Variants in KAZN observed in about 807,000 individuals in gnomAD.
KAZN encodes the protein kazrin, periplakin interacting protein.
Under a neutral mutation model 87.4 loss-of-function variants are expected in KAZN, and 40 were observed. That is an observed-to-expected ratio of 0.46 (90% CI 0.36 to 0.60). The LOEUF is 0.60. Ranked by LOEUF, KAZN falls within the 20% of genes least tolerant of loss-of-function variation. The pLI is 0.00. For missense variants in KAZN, 898 were observed against 1,073.9 expected (o/e 0.84, Z 2.29); for synonymous variants, 466 against 458.3 (o/e 1.02, Z -0.22).
chr1:15,034,744 C>T lies in KAZN; in HGVS notation c.419-5C>T. 1 of 1,614,102 alleles carries T rather than the reference C, an allele frequency of 6.2e-7. No homozygotes were observed. ...TTGGGAACTAACTCTCTCCTTTATC[C>T]CCAGCCATGAAAGCTGATCGGAAGC... On this transcript the variant is annotated splice_polypyrimidine_tract_variant and splice_region_variant and intron_variant, in intron 2 of 14. Coordinates refer to ENST00000376030, the MANE Select transcript of KAZN (RefSeq NM_201628.3).
intron 1 of KAZN, among the ~76,000 whole-genome samples, chr1:14,932,467 G>A (rs1022877242): frequency 6.6e-6 from 1 of 152,192 alleles, no homozygotes; most frequent in South Asian, 2.1e-4. Context: ...CCTGCGTGGG[G>A]CCCTCCCCTG....
chr1:14,454,583 A>G (rs555098458), intron 2 of KAZN, among the ~76,000 whole-genome samples: 182 of 152,312 alleles, frequency 1.2e-3, no homozygotes, highest in Non-Finnish European at 2.3e-3. Context: ...GTCCTATCCC[A>G]TGGGCATTGC....
intron 2 of KAZN, among the ~76,000 whole-genome samples, chr1:14,551,737 C>T (rs1407056223): frequency 6.6e-6 from 1 of 152,154 alleles, no homozygotes; most frequent in Non-Finnish European, 1.5e-5. Context: ...TCCCCATGCT[C>T]AAACCCCAGC....
At chr1:14,103,903 A>T (rs1390943497) in intron 1 of KAZN, among the ~76,000 whole-genome samples, 1 of 152,188 alleles carries the variant, frequency 6.6e-6, no homozygotes, top group Non-Finnish European at 1.5e-5. Context: ...AAACCTAGAG[A>T]TCAACACAGA....
chr1:14,808,687 T>G (rs944998565), intron 1 of KAZN, among the ~76,000 whole-genome samples: 1 of 152,146 alleles, frequency 6.6e-6, no homozygotes, highest in African/African-American at 2.4e-5. Flanking sequence ...TGAGATGTAT[T>G]ATTACAAAAA....
intron 1 of KAZN, among the ~76,000 whole-genome samples, chr1:14,027,840 G>A (rs1191949066): frequency 6.6e-6 from 1 of 152,174 alleles, no homozygotes; most frequent in Non-Finnish European, 1.5e-5. Flanking sequence ...GGCTGGTGAT[G>A]ATGCCACCTA....
chr1:14,629,668 T>C (rs1275827316), intron 1 of KAZN, among the ~76,000 whole-genome samples: 1 of 152,282 alleles, frequency 6.6e-6, no homozygotes, highest in East Asian at 1.9e-4. Context: ...AGGAGCTCAC[T>C]CTGTCTAATC....
At chr1:14,198,249 A>C (rs935757431) in intron 2 of KAZN, among the ~76,000 whole-genome samples, 1 of 152,196 alleles carries the variant, frequency 6.6e-6, no homozygotes, top group African/African-American at 2.4e-5. Flanking sequence ...GATGGTGATA[A>C]AAATCTGACT....
intron 1 of KAZN, among the ~76,000 whole-genome samples, chr1:14,050,920 T>C (rs562114918): frequency 1.3e-5 from 2 of 152,334 alleles, no homozygotes; most frequent in Admixed American, 1.3e-4. Context: ...CAAACAAGCA[T>C]CATTTGGTTG....
At chr1:14,063,997 A>T (rs534632712) in intron 1 of KAZN, among the ~76,000 whole-genome samples, 6 of 150,380 alleles carry the variant, frequency 4.0e-5, no homozygotes, top group African/African-American at 1.5e-4. Flanking sequence ...GCTCACTGCA[A>T]CCTCCACCTC....
intron 4 of KAZN, among the ~76,000 whole-genome samples, chr1:15,053,941 C>T (rs1035615808): frequency 3.9e-5 from 6 of 152,168 alleles, no homozygotes; most frequent in Non-Finnish European, 7.3e-5. Flanking sequence ...CTAGGATGTC[C>T]GAGCTGGAAG....
At position 14,085,148 on chromosome 1, in the gene KAZN, A is replaced by G. The variant is rs140055282; in HGVS notation, c.92-95287A>G. On this transcript the variant is annotated intron_variant, in intron 1 of 16. Coordinates refer to the KAZN transcript ENST00000636203. ...CCCTGGAGTTTGCTGTCATCTTAGAACAAATCCATTTATCTCTGAGAACCA... is the reference window on the plus strand; with the variant it reads ...CCCTGGAGTTTGCTGTCATCTTAGAGCAAATCCATTTATCTCTGAGAACCA... Among the ~76,000 whole-genome samples the G allele has an allele frequency of 6.5e-3, 993 of 152,292 alleles. 11 individuals are homozygous for G. The South Asian group carries it at 0.066, about 10-fold the overall frequency.
intron 1 of KAZN, among the ~76,000 whole-genome samples, chr1:14,635,244 G>A (rs1002074181): frequency 1.1e-4 from 17 of 152,352 alleles, no homozygotes; most frequent in African/African-American, 3.4e-4. Context: ...AGCACTGGGC[G>A]TTGTTGGGCT....
rs151077927 is a variant in KAZN, at chr1:14,393,153, T to C, written c.250-205830T>C. ...CTTGCAGGCATTCATCCTTGTCAAA[T>C]CAAACGGTCAAAGTTCACATTCATG... On this transcript the variant is annotated intron_variant, in intron 2 of 16. Transcript: ENST00000636203. Among the ~76,000 whole-genome samples the C allele has an allele frequency of 2.0e-3, 304 of 152,330 alleles. 1 individual carries two copies. The highest frequency in any genetic ancestry group is 6.8e-3 in the African/African-American group (283 of 41,568).
intron 2 of KAZN, among the ~76,000 whole-genome samples, chr1:14,210,136 C>T (rs1557562728): frequency 6.6e-6 from 1 of 152,158 alleles, no homozygotes; most frequent in African/African-American, 2.4e-5. Flanking sequence ...CTATAATCCC[C>T]ACATATCATG....
intron 2 of KAZN, among the ~76,000 whole-genome samples, chr1:14,344,552 T>C (rs570620783): frequency 1.3e-5 from 2 of 152,150 alleles, no homozygotes; most frequent in Non-Finnish European, 2.9e-5. Flanking sequence ...TTATGCAACT[T>C]CTGTTCTAAT....
At chr1:14,050,446 GA>G (rs1642280847) in intron 1 of KAZN, among the ~76,000 whole-genome samples, 1 of 152,152 alleles carries the variant, frequency 6.6e-6, no homozygotes, top group Non-Finnish European at 1.5e-5. Context: ...GTGGCTTCAG[GA>G]AACTTACAAC....
In KAZN at chr1:15,065,802, C is replaced by T. The variant is rs371846632; in HGVS notation, c.1222+49C>T. ...GAGGAGGACGCGGACTGGTGATACG[C>T]GCTCCCCTGCGCCTGCTGCCCGCAG... On this transcript the variant is annotated intron_variant, in intron 8 of 14. Transcript: ENST00000376030. 993 of 1,597,610 alleles carry T rather than the reference C, an allele frequency of 6.2e-4. 3 individuals are homozygous for T. The highest frequency in any genetic ancestry group is 7.8e-4 in the Non-Finnish European group (907 of 1,169,348).
intron 8 of KAZN, chr1:15,067,512 C>T: frequency 1.0e-6 from 1 of 985,476 alleles, no homozygotes; most frequent in Non-Finnish European, 1.2e-6. Flanking sequence ...TTCTGCTCGT[C>T]CTTAACAACT....
Sources: allele counts gnomAD v4.1 joint callset (sites outside exome capture counted in the v4.1 genomes callset), GRCh38; gene constraint gnomAD v4.1.1; transcripts MANE v1.5; gene names NCBI Gene and HGNC (gene_info 2026-07-23, HGNC 2026-07-21).